The following TIPARP variants were observed in gnomAD, a reference collection of about 807,000 sequenced individuals.
TIPARP encodes protein mono-ADP-ribosyltransferase TIPARP.
TIPARP carries 12 observed loss-of-function variants against 56.5 expected under a neutral mutation model. The ratio of observed to expected loss-of-function variants is 0.21; its 90% confidence interval spans 0.14 to 0.34. TIPARP has a LOEUF of 0.34. Ranked by LOEUF, TIPARP falls within the 10% of genes least tolerant of loss-of-function variation. The pLI is 1.00. For synonymous variants in TIPARP, 296 were observed against 265.7 expected, an observed-to-expected ratio of 1.11 and a Z score of -1.11; for missense variants, 604 against 781.6, an observed-to-expected ratio of 0.77 and a Z score of 2.71.
intron 4 of TIPARP, among the ~76,000 whole-genome samples, chr3:156,698,473 A>G (rs951277329): frequency 1.3e-5 from 2 of 152,168 alleles, no homozygotes; most frequent in Non-Finnish European, 2.9e-5. Context: ...GTTGAAGCCT[A>G]GGGCCCTTGA....
chr3:156,695,810 A>T (rs1219674189), intron 3 of TIPARP, 55 bp from the exon 4 acceptor site: 1 of 1,492,308 alleles, frequency 6.7e-7, no homozygotes, highest in South Asian at 1.3e-5. Context: ...ATTTTTAACC[A>T]TGATTATTAA....
At chr3:156,680,139 A>G (rs369037061) in intron 2 of TIPARP, among the ~76,000 whole-genome samples, 12 of 152,310 alleles carry the variant, frequency 7.9e-5, no homozygotes, top group African/African-American at 2.9e-4. Flanking sequence ...GCCCAAATTC[A>G]AAAGTATTAC....
intron 4 of TIPARP, among the ~76,000 whole-genome samples, chr3:156,697,420 C>CCCT (rs1405356937): frequency 2.7e-5 from 1 of 37,644 alleles, no homozygotes; most frequent in Non-Finnish European, 5.9e-5. Flanking sequence ...GGAATATGCC[C>CCCT]TCTTTTTTTT....
chr3:156,688,082 T>A (rs1231661105), intron 2 of TIPARP, among the ~76,000 whole-genome samples: 1 of 152,102 alleles, frequency 6.6e-6, no homozygotes, highest in Admixed American at 6.6e-5. Context: ...AGTGTGGTAA[T>A]TAAGTGTAGA....
intron 2 of TIPARP, 140 bp from the exon 3 acceptor site, chr3:156,693,880 A>G: frequency 1.0e-6 from 1 of 964,244 alleles, no homozygotes; most frequent in South Asian, 1.9e-5. Flanking sequence ...ATATGCTTTT[A>G]CTCCAAGTAA....
chr3:156,697,760 T>C (rs1262252404), intron 4 of TIPARP, among the ~76,000 whole-genome samples: 1 of 152,184 alleles, frequency 6.6e-6, no homozygotes, highest in Non-Finnish European at 1.5e-5. Flanking sequence ...GATCTTTATG[T>C]TACATTTGTT....
chr3:156,697,748 G>A (rs926867920), intron 4 of TIPARP, among the ~76,000 whole-genome samples: 4 of 152,136 alleles, frequency 2.6e-5, no homozygotes, highest in African/African-American at 9.7e-5. Flanking sequence ...GATCTGACCG[G>A]TGATCTTTAT....
Position 156,694,200 on chromosome 3 carries a change from T to G in TIPARP, c.1086+12T>G, listed in dbSNP as rs568088639. 9.5e-6 allele frequency: 15 copies of G among 1,571,524 alleles called. No individual in the cohort carries two copies. The highest frequency in any genetic ancestry group is 3.4e-4 in the Middle Eastern group (2 of 5,854). The stretch of plus-strand genomic sequence containing the variant: ...GAGAGTATCCCGAGGTATTTACAGA[T>G]TCTTTGTTGACAAGTACATTTTTCA... On this transcript the variant is annotated intron_variant, in intron 3 of 5. Transcript: ENST00000295924.
rs1274446105 is a variant in TIPARP at position 156,706,286 on chromosome 3, T to C, written c.*1155T>C. The C allele has an allele frequency of 6.6e-6, 1 of 152,646 alleles. No homozygotes were observed. The highest frequency in any genetic ancestry group is 1.5e-5 in the Non-Finnish European group (1 of 68,022). 9.5% of individuals were successfully genotyped at this position (152,646 alleles called of 1,614,324 possible). A position where few individuals can be genotyped will look rare whatever the true frequency, so the allele number is the denominator to read the frequency against. On this transcript the variant is annotated 3_prime_UTR_variant, in exon 6 of 6. Coordinates refer to ENST00000295924, the MANE Select transcript of TIPARP (RefSeq NM_015508.5). ...AGGTAGCAACTAGGTAAACTCCTTA[T>C]AAAAAGCAAATACCTGGATTTACAA...
rs549329509 is a variant in TIPARP, at chr3:156,698,067, TC to T, written c.1247+2043del. Among the ~76,000 whole-genome samples the T allele has an allele frequency of 2.4e-3, 367 of 152,334 alleles. 1 individual carries two copies. Among genetic ancestry groups the T allele is most frequent in the African/African-American group, 8.3e-3 (347 of 41,582 alleles). ...AAGTTTTAGTGATCTGGATAAAAGA[TC>T]AAACCAGCTACAACATTCCCTTAAG... On this transcript the variant is annotated intron_variant, in intron 4 of 5. Coordinates refer to ENST00000295924, the MANE Select transcript of TIPARP (RefSeq NM_015508.5).
chr3:156,677,752 C>A lies in TIPARP; in HGVS notation c.55C>A (p.Pro19Thr). The change falls in exon 2 of 6, where the codon CCT becomes ACT. Residue 19 changes from proline (P) to threonine (T), a missense_variant. By Grantham distance (38) the Pro-to-Thr change is conservative. This residue lies in a region of TIPARP where 261 missense variants were observed against 279.2 expected (regional missense o/e 0.93). Transcript: ENST00000295924. Reference sequence around the variant, plus strand: ...AGACTGTGTAGTGCAGCCTCCCTCTCCTCCTGATGACTTTTCATGCCAAAT... The same window carrying A: ...AGACTGTGTAGTGCAGCCTCCCTCTACTCCTGATGACTTTTCATGCCAAAT... Reference protein sequence around the residue: ...EPDCVVQPPSPPDDFSCQMRL... With the variant: ...EPDCVVQPPSTPDDFSCQMRL... 6.2e-7 allele frequency: 1 copy of A among 1,613,746 alleles called. No homozygotes were observed. Among genetic ancestry groups the A allele is most frequent in the Non-Finnish European group, 8.5e-7 (1 of 1,179,904 alleles).
At chr3:156,679,842 C>T (rs183531573) in intron 2 of TIPARP, among the ~76,000 whole-genome samples, 3 of 152,292 alleles carry the variant, frequency 2.0e-5, no homozygotes, top group East Asian at 1.9e-4. Context: ...TCCAAGTTGT[C>T]TGATTCTGGT....
intron 2 of TIPARP, among the ~76,000 whole-genome samples, chr3:156,688,076 T>C (rs1382160737): frequency 6.6e-6 from 1 of 152,128 alleles, no homozygotes; most frequent in East Asian, 1.9e-4. Context: ...TGTCATAGTG[T>C]GGTAATTAAG....
intron 2 of TIPARP, among the ~76,000 whole-genome samples, chr3:156,685,202 C>T (rs1402134205): frequency 6.6e-6 from 1 of 152,194 alleles, no homozygotes; most frequent in Non-Finnish European, 1.5e-5. Flanking sequence ...GTTACTGTTA[C>T]TAAGGCAAGC....
chr3:156,690,555 G>A (rs1347325778), intron 2 of TIPARP, among the ~76,000 whole-genome samples: 2 of 152,120 alleles, frequency 1.3e-5, no homozygotes, highest in Non-Finnish European at 2.9e-5. Flanking sequence ...CTTATAGTGG[G>A]ATGTGTGGTG....
rs1722185777 is a variant in TIPARP, at chr3:156,677,833, A to G, written c.136A>G (p.Lys46Glu). 6.2e-7 allele frequency: 1 copy of G among 1,614,210 alleles called. No homozygotes were observed. Among genetic ancestry groups the G allele is most frequent in the Non-Finnish European group, 8.5e-7 (1 of 1,180,028 alleles). The change falls in exon 2 of 6, where the codon AAA becomes GAA. Residue 46 changes from lysine to glutamate, a missense_variant. Around this residue, in one of 4 missense-constraint regions of TIPARP, gnomAD observed 261 missense variants for 279.2 expected, o/e 0.93. Coordinates refer to ENST00000295924, the MANE Select transcript of TIPARP (RefSeq NM_015508.5). ...GACTTGTTTTAAGAAAAAGGATCAGAAAAGATTGGGAACTGGAACCCTGAG... is the reference window on the plus strand; with the variant it reads ...GACTTGTTTTAAGAAAAAGGATCAGGAAAGATTGGGAACTGGAACCCTGAG... ...LKTCFKKKDQ[K>E]RLGTGTLRSL...
chr3:156,706,585 T>C lies in TIPARP; in HGVS notation c.*1454T>C, dbSNP rs1241713128. The C allele has an allele frequency of 6.5e-6, 1 of 152,680 alleles. No individual in the cohort carries two copies. The highest frequency in any genetic ancestry group is 1.5e-5 in the Non-Finnish European group (1 of 68,048). The allele number at this position is 152,680 out of a possible 1,614,324, so 9.5% of individuals were successfully genotyped here. On this transcript the variant is annotated 3_prime_UTR_variant, in exon 6 of 6. Transcript: ENST00000295924. ...GCCAACTGTGGCTGTTACAGTTCTT[T>C]CATTCAATTATAACTTGTAAACCAG...
chr3:156,691,627 A>G (rs1393273378), intron 2 of TIPARP, among the ~76,000 whole-genome samples: 2 of 152,158 alleles, frequency 1.3e-5, no homozygotes, highest in African/African-American at 4.8e-5. Flanking sequence ...TGGCACCCAT[A>G]TTGCACACAT....
In TIPARP at chr3:156,705,664, A is replaced by T. The variant is rs1355369354; in HGVS notation, c.*533A>T. ...AGAAATTTTTATTTCTATCAGCAGT[A>T]CTAAAATGTATCAGCCAACCAGAGA... On this transcript the variant is annotated 3_prime_UTR_variant, in exon 6 of 6. Coordinates refer to ENST00000295924, the MANE Select transcript of TIPARP (RefSeq NM_015508.5). 2.6e-5 allele frequency: 4 copies of T among 152,768 alleles called. No homozygotes were observed. Among genetic ancestry groups the T allele is most frequent in the African/African-American group, 9.6e-5 (4 of 41,456 alleles). The allele number at this position is 152,768 out of a possible 1,614,324, so 9.5% of individuals were successfully genotyped here. A position where few individuals can be genotyped will look rare whatever the true frequency, so the allele number is the denominator to read the frequency against.
Sources: gnomAD v4.1 joint callset for allele counts (sites outside exome capture counted in the v4.1 genomes callset) on GRCh38, gnomAD v4.1.1 for gene constraint, gnomAD v4.1.1 regional missense constraint, MANE v1.5 for transcripts, NCBI Gene and HGNC (gene_info 2026-07-23, HGNC 2026-07-21) for gene names.